GRAP2: variants seen among roughly 807,000 people sequenced by gnomAD.
GRAP2 encodes the protein GRB2-related adapter protein 2.
Under a neutral mutation model 43.5 loss-of-function variants are expected in GRAP2, and 31 were observed. The ratio of observed to expected loss-of-function variants is 0.71; its 90% CI spans 0.54 to 0.96. The LOEUF (loss-of-function observed/expected upper bound fraction) is 0.96. GRAP2 is among the 40% of genes least tolerant of loss of function. The pLI is 0.00. For missense variants in GRAP2, 371 were observed against 424.4 expected, an observed-to-expected ratio of 0.87 and a Z score of 1.11; for synonymous variants, 156 against 164.8, an observed-to-expected ratio of 0.95 and a Z score of 0.41.
chr22:39,954,784 C>T (rs1357072150), intron 2 of GRAP2, among the ~76,000 whole-genome samples: 2 of 152,208 alleles, frequency 1.3e-5, no homozygotes, highest in Non-Finnish European at 1.5e-5. Flanking sequence ...AAGCCACATA[C>T]AGTCAAGTCT....
chr22:39,966,614 C>T (rs2067177170), intron 5 of GRAP2, among the ~76,000 whole-genome samples: 1 of 152,146 alleles, frequency 6.6e-6, no homozygotes, highest in South Asian at 2.1e-4. Flanking sequence ...GCCTAGAGTT[C>T]AGGAGTTAAA....
chr22:39,915,479 G>A (rs1247422985), intron 1 of GRAP2, among the ~76,000 whole-genome samples: 2 of 152,096 alleles, frequency 1.3e-5, no homozygotes, highest in Non-Finnish European at 2.9e-5. Flanking sequence ...CCACAATCGT[G>A]TCATCCTCTC....
At chr22:39,942,938 A>G (rs2066885799) in intron 1 of GRAP2, among the ~76,000 whole-genome samples, 3 of 152,250 alleles carry the variant, frequency 2.0e-5, no homozygotes, top group Admixed American at 2.0e-4. Flanking sequence ...TGGGGCAAGT[A>G]TTCAGATTAG....
intron 2 of GRAP2, among the ~76,000 whole-genome samples, chr22:39,949,766 C>G (rs2066962461): frequency 1.3e-5 from 2 of 152,140 alleles, no homozygotes; most frequent in Non-Finnish European, 2.9e-5. Flanking sequence ...AACGTAGACG[C>G]CCAATAAATG....
upstream of GRAP2, among the ~76,000 whole-genome samples, chr22:39,899,056 C>T (rs1161264385): frequency 6.6e-6 from 1 of 152,156 alleles, no homozygotes; most frequent in Non-Finnish European, 1.5e-5. Flanking sequence ...GGTCTTTATT[C>T]TTAGGATCTG....
intron 1 of GRAP2, among the ~76,000 whole-genome samples, chr22:39,917,482 A>G (rs547407053): frequency 6.6e-6 from 1 of 152,356 alleles, no homozygotes; most frequent in East Asian, 1.9e-4. Context: ...ACCTAGCTGT[A>G]TCAGTATTTT....
Position 39,912,050 on chromosome 22 carries a change from CT to C in GRAP2, c.-15+10722del, listed in dbSNP as rs549124198. Among the ~76,000 whole-genome samples, 339 of 152,242 alleles carry C rather than the reference CT, an allele frequency of 2.2e-3. 3 individuals carry two copies. Among genetic ancestry groups the C allele is most frequent in the African/African-American group, 7.8e-3 (322 of 41,532 alleles). The stretch of plus-strand genomic sequence containing the variant: ...TGGTGTTTATTAAAAGGTTAGAGTC[CT>C]TAGTTAAAATGTTACCAGATTCAAA... On this transcript the variant is annotated intron_variant, in intron 1 of 7. Coordinates refer to ENST00000344138, the MANE Select transcript of GRAP2 (RefSeq NM_004810.4).
chr22:39,942,191 G>T (rs1271560989), intron 1 of GRAP2, among the ~76,000 whole-genome samples: 1 of 152,050 alleles, frequency 6.6e-6, no homozygotes, highest in East Asian at 1.9e-4. Flanking sequence ...GTACAGTGAG[G>T]CTTAACTGTA....
chr22:39,962,030 C>A (rs1250249096), intron 4 of GRAP2, among the ~76,000 whole-genome samples: 2 of 152,192 alleles, frequency 1.3e-5, no homozygotes, highest in Non-Finnish European at 2.9e-5. Flanking sequence ...ATTTTCATAG[C>A]TTGGAGAATG....
intron 3 of GRAP2, 62 bp from the exon 4 acceptor site, chr22:39,959,993 C>A: frequency 6.4e-7 from 1 of 1,555,432 alleles, no homozygotes; most frequent in Non-Finnish European, 8.9e-7. Context: ...CTCTTCTCCA[C>A]GTCTCCCTCT....
chr22:39,903,238 C>T (rs1400892155), intron 1 of GRAP2, among the ~76,000 whole-genome samples: 1 of 152,130 alleles, frequency 6.6e-6, no homozygotes, highest in African/African-American at 2.4e-5. Context: ...CCCTATCAAA[C>T]AAACTCAAAA....
chr22:39,952,491 T>TTG (rs2066996278), intron 2 of GRAP2, among the ~76,000 whole-genome samples: 1 of 152,212 alleles, frequency 6.6e-6, no homozygotes, highest in African/African-American at 2.4e-5. Flanking sequence ...CAGTGTGCTC[T>TTG]TGTGTTTTTA....
In GRAP2 at chr22:39,901,261, T is replaced by C. The variant is rs747416758; in HGVS notation, c.-84T>C. The C allele has an allele frequency of 2.3e-6, 3 of 1,279,820 alleles. No homozygotes were observed. Among genetic ancestry groups the C allele is most frequent in the Non-Finnish European group, 3.1e-6 (3 of 980,190 alleles). The allele number at this position is 1,279,820 out of a possible 1,614,324, so 79.3% of individuals were successfully genotyped here. On this transcript the variant is annotated 5_prime_UTR_variant, in exon 1 of 8. Coordinates refer to ENST00000344138, the MANE Select transcript of GRAP2 (RefSeq NM_004810.4). ...CTGATGCTTGAATTTGTCTCCCTTC[T>C]TGCCAGAAAGGATTCTAATAACTCG... is the stretch of plus-strand genomic sequence containing the variant.
intron 1 of GRAP2, among the ~76,000 whole-genome samples, chr22:39,936,710 C>T (rs1450159355): frequency 6.6e-6 from 1 of 151,564 alleles, no homozygotes; most frequent in Non-Finnish European, 1.5e-5. Flanking sequence ...GAGAGAGAGA[C>T]AGGGTGGTGG....
intron 1 of GRAP2, among the ~76,000 whole-genome samples, chr22:39,911,927 A>T (rs2066570224): frequency 6.6e-6 from 1 of 152,252 alleles, no homozygotes; most frequent in Non-Finnish European, 1.5e-5. Context: ...TATGCACAGT[A>T]AAATCTGAGA....
At chr22:39,961,092 C>T (rs888591189) in intron 4 of GRAP2, among the ~76,000 whole-genome samples, 1 of 151,882 alleles carries the variant, frequency 6.6e-6, no homozygotes, top group Non-Finnish European at 1.5e-5. Context: ...GATACAGGTG[C>T]ACACCACCAC....
intron 1 of GRAP2, among the ~76,000 whole-genome samples, chr22:39,911,161 C>T (rs1195362225): frequency 6.6e-6 from 1 of 152,176 alleles, no homozygotes; most frequent in Admixed American, 6.5e-5. Flanking sequence ...TTATTTCAGG[C>T]TCTCAGCAGC....
intron 1 of GRAP2, among the ~76,000 whole-genome samples, chr22:39,930,730 G>A (rs1875814300): frequency 6.6e-6 from 1 of 152,246 alleles, no homozygotes; most frequent in East Asian, 1.9e-4. Context: ...TCCCTGGCAT[G>A]CTTTCAATGT....
chr22:39,928,412 C>T (rs934640538), intron 1 of GRAP2, among the ~76,000 whole-genome samples: 1 of 152,218 alleles, frequency 6.6e-6, no homozygotes, highest in Non-Finnish European at 1.5e-5. Flanking sequence ...AATATTCTCT[C>T]GTTGGCTTTT....
Sources: allele counts gnomAD v4.1 joint callset (sites outside exome capture counted in the v4.1 genomes callset), GRCh38; gene constraint gnomAD v4.1.1; transcripts MANE v1.5; gene names NCBI Gene and HGNC (gene_info 2026-07-23, HGNC 2026-07-21).